Variants in KRT39 observed in about 807,000 individuals in gnomAD.
KRT39 encodes keratin, type I cytoskeletal 39.
In KRT39, 47 loss-of-function variants were observed where a neutral mutation model predicts 54.8. The ratio of observed to expected loss-of-function variants is 0.86; its 90% CI spans 0.68 to 1.09. The LOEUF (loss-of-function observed/expected upper bound fraction) is 1.09, where lower values mean the gene tolerates loss of function less well. KRT39 is among the 50% of genes least tolerant of loss of function. The pLI is 0.00. For missense variants in KRT39, 580 were observed against 598.5 expected, an observed-to-expected ratio of 0.97 and a Z score of 0.32; for synonymous variants, 207 against 227.9, an observed-to-expected ratio of 0.91 and a Z score of 0.83.
chr17:40,962,408 G>A lies in KRT39; in HGVS notation c.864C>T (p.Asn288=), dbSNP rs779395217. The A allele has an allele frequency of 1.7e-5, 28 of 1,614,048 alleles. No individual in the cohort carries two copies. The highest frequency in any genetic ancestry group is 2.7e-5 in the African/African-American group (2 of 74,944). ...ACTTTTCTATATCCCCCACCTGCGT[G>A]TTGAACCACTGTTCCACATCTTTGC... is the stretch of plus-strand genomic sequence containing the variant. ...TNRKDVEQWF[N]TQIEELNQQV... Residue 288 remains asparagine, a synonymous_variant, in exon 4 of 7, where the codon AAC becomes AAT. Coordinates refer to ENST00000355612, the MANE Select transcript of KRT39 (RefSeq NM_213656.4).
chr17:40,965,770 C>A (rs1454355696), intron 1 of KRT39, among the ~76,000 whole-genome samples: 1 of 152,168 alleles, frequency 6.6e-6, no homozygotes, highest in Admixed American at 6.5e-5. Flanking sequence ...CTCTGTTTCC[C>A]TATTTTTATT....
rs771733285 is a variant in KRT39, at chr17:40,962,185, C to T, written c.973G>A (p.Glu325Lys). ...ACCATTCGATGCTGGGCCTGCAGTT[C>T]AACCTCCAGAGTGTTCACACTGCGT... is the stretch of plus-strand genomic sequence containing the variant. ...LRRSVNTLEV[E>K]LQAQHRMRDS... is the part of the protein sequence containing the mutation. The change falls in exon 5 of 7, where the codon GAA (glutamate) becomes AAA (lysine). Residue 325 changes from glutamate (E) to lysine (K), a missense_variant. Physicochemically the swap from Glu to Lys is moderately conservative, Grantham distance 56. Transcript: ENST00000355612. The T allele has an allele frequency of 3.6e-5, 58 of 1,614,078 alleles. No homozygotes were observed. The highest frequency in any genetic ancestry group is 4.7e-5 in the Non-Finnish European group (55 of 1,180,028).
intron 3 of KRT39, among the ~76,000 whole-genome samples, chr17:40,963,418 T>C (rs1225551136): frequency 1.3e-5 from 2 of 152,220 alleles, no homozygotes; most frequent in African/African-American, 4.8e-5. Flanking sequence ...GCCATGATTG[T>C]AAGTTTCCTG....
chr17:40,960,153 T>C (rs1040705880), intron 6 of KRT39, 128 bp downstream of exon 6: 1 of 748,266 alleles, frequency 1.3e-6, no homozygotes, highest in Admixed American at 2.1e-5. Flanking sequence ...TGTGGATGCC[T>C]CTGTCCAAGC....
rs578088530 is a variant in KRT39, at chr17:40,966,161, CA to C, written c.468+227del. Among the ~76,000 whole-genome samples, 628 of 152,156 alleles carry C rather than the reference CA, an allele frequency of 4.1e-3. 3 individuals are homozygous for C. The highest frequency in any genetic ancestry group is 0.014 in the African/African-American group (587 of 41,504). The stretch of plus-strand genomic sequence containing the variant: ...CTGGGCTCAAGTGATCTGTCTGCCT[CA>C]GCCTCCCAAAGTGTTAGGATTACAG... On this transcript the variant is annotated intron_variant, in intron 1 of 6. Coordinates refer to ENST00000355612, the MANE Select transcript of KRT39 (RefSeq NM_213656.4).
In KRT39 at chr17:40,966,694, A is replaced by G; in HGVS notation, c.163T>C (p.Trp55Arg). The change falls in exon 1 of 7, where the codon TGG becomes CGG. Residue 55 changes from tryptophan to arginine, a missense_variant. Trp to Arg is a moderately radical substitution (Grantham distance 101). Coordinates refer to ENST00000355612, the MANE Select transcript of KRT39 (RefSeq NM_213656.4). Reference protein sequence around the residue: ...QPAGHVLRIPWDQGCQPTPRF... With the variant: ...QPAGHVLRIPRDQGCQPTPRF... ...GGAGTGGGTTGGCAGCCCTGGTCCC[A>G]GGGAATTCTGAGAACGTGGCCAGCT... The G allele has an allele frequency of 6.2e-7, 1 of 1,614,238 alleles. No homozygotes were observed.
At chr17:40,962,014 G>T in intron 5 of KRT39, 148 bp downstream of exon 5, 1 of 1,102,768 alleles carries the variant, frequency 9.1e-7, no homozygotes, top group Non-Finnish European at 1.3e-6. Context: ...AGACTTATTT[G>T]GCCACAAAGC....
In KRT39 at chr17:40,963,787, TA is replaced by T; in HGVS notation, c.552-5del. 6.4e-7 allele frequency: 1 copy of T among 1,568,352 alleles called. No homozygotes were observed. The highest frequency in any genetic ancestry group is 1.1e-5 in the South Asian group (1 of 87,158). On this transcript the variant is annotated splice_polypyrimidine_tract_variant and splice_region_variant and intron_variant, in intron 2 of 6. Transcript: ENST00000355612. ...TAGAGACACCTCAGCTTCGTATCTTTAAAAACCAGATGGGAAAAGAGAGACA... is the reference window on the plus strand; with the variant it reads ...TAGAGACACCTCAGCTTCGTATCTTTAAAACCAGATGGGAAAAGAGAGACA...
At chr17:40,961,728 A>AC (rs926039108) in intron 5 of KRT39, among the ~76,000 whole-genome samples, 14 of 152,068 alleles carry the variant, frequency 9.2e-5, no homozygotes, top group Admixed American at 2.0e-4. Context: ...TAATTATGCC[A>AC]CCCCCCCTCT....
At chr17:40,959,006 G>T in intron 6 of KRT39, 147 bp from the exon 7 acceptor site, 1 of 703,326 alleles carries the variant, frequency 1.4e-6, no homozygotes, top group Non-Finnish European at 2.3e-6. Flanking sequence ...TTGTACTGTA[G>T]TTACTGGAAG....
Position 40,964,445 on chromosome 17 carries a change from C to A in KRT39, c.551+1G>T. 6.2e-7 allele frequency: 1 copy of A among 1,613,930 alleles called. No individual in the cohort carries two copies. The highest frequency in any genetic ancestry group is 1.1e-5 in the South Asian group (1 of 91,072). The stretch of plus-strand genomic sequence containing the variant: ...TTGATGACGGTGTTGGGTGGGCTTA[C>A]TTGGCTCTCAAGTCATCTGCAGTCA... On this transcript the variant is annotated splice_donor_variant, in intron 2 of 6. Coordinates refer to ENST00000355612, the MANE Select transcript of KRT39 (RefSeq NM_213656.4). LOFTEE classifies it high-confidence loss of function.
intron 1 of KRT39, among the ~76,000 whole-genome samples, chr17:40,964,751 A>AT (rs931771111): frequency 1.5e-4 from 21 of 141,524 alleles, no homozygotes; most frequent in African/African-American, 3.3e-4. Context: ...ACTTTTAAGT[A>AT]TTTTTTTTGT....
At chr17:40,960,800 G>T in intron 5 of KRT39, 1 of 444,664 alleles carries the variant, frequency 2.2e-6, no homozygotes, top group Non-Finnish European at 4.0e-6. Flanking sequence ...CTACTTAGGA[G>T]AGAAAAAATA....
At chr17:40,963,861 AT>A in intron 2 of KRT39, 78 bp from the exon 3 acceptor site, 1 of 1,212,504 alleles carries the variant, frequency 8.2e-7, no homozygotes, top group Non-Finnish European at 1.2e-6. Context: ...TCTCATCTGC[AT>A]TTTGCTCTGG....
chr17:40,964,916 G>A (rs1164737166), intron 1 of KRT39, among the ~76,000 whole-genome samples: 2 of 150,822 alleles, frequency 1.3e-5, no homozygotes, highest in Non-Finnish European at 3.0e-5. Flanking sequence ...ACAAAAATTG[G>A]CCGGGCGCAG....
intron 3 of KRT39, among the ~76,000 whole-genome samples, chr17:40,962,899 G>A (rs967706181): frequency 2.6e-5 from 4 of 152,138 alleles, no homozygotes; most frequent in African/African-American, 4.8e-5. Flanking sequence ...GTGCAAATAC[G>A]GGATTGTGCC....
intron 3 of KRT39, among the ~76,000 whole-genome samples, chr17:40,963,345 T>C (rs1320052604): frequency 1.3e-5 from 2 of 152,120 alleles, no homozygotes; most frequent in African/African-American, 4.8e-5. Flanking sequence ...TATAAAGGGC[T>C]CTTCCCCCTT....
chr17:40,965,812 T>C (rs528747321), intron 1 of KRT39, among the ~76,000 whole-genome samples: 47 of 152,346 alleles, frequency 3.1e-4, no homozygotes, highest in Admixed American at 7.2e-4. Context: ...TGTTAACATC[T>C]TTTGGTCCTG....
chr17:40,965,722 C>T (rs1444695348), intron 1 of KRT39, among the ~76,000 whole-genome samples: 1 of 152,152 alleles, frequency 6.6e-6, no homozygotes, highest in East Asian at 1.9e-4. Context: ...AACTAAATTG[C>T]TTAGAAACTC....
Sources: gnomAD v4.1 joint callset for allele counts (sites outside exome capture counted in the v4.1 genomes callset) on GRCh38, gnomAD v4.1.1 for gene constraint, MANE v1.5 for transcripts, NCBI Gene and HGNC (gene_info 2026-07-23, HGNC 2026-07-21) for gene names.